CDON: variants seen among roughly 807,000 people sequenced by gnomAD.
CDON encodes the protein cell adhesion associated, oncogene regulated, also known as cell adhesion molecule-related/down-regulated by oncogenes.
In CDON, 73 loss-of-function variants were observed where a neutral mutation model predicts 120.9. That is an observed-to-expected ratio of 0.60 (90% CI 0.50 to 0.73). CDON has a LOEUF of 0.73. CDON is among the 30% of genes least tolerant of loss of function. The pLI is 0.00. For missense variants in CDON, 1,470 were observed against 1,587.3 expected (o/e 0.93, Z 1.26); for synonymous variants, 566 against 573.5 (o/e 0.99, Z 0.19).
chr11:126,006,990 T>C (rs4420284), intron 8 of CDON, among the ~76,000 whole-genome samples: 28,974 of 151,988 alleles, frequency 0.19, 2,862 homozygotes, highest in East Asian at 0.25. Context: ...AGAATGTTCA[T>C]GGTGCTGCTG....
At chr11:125,961,172 A>C (rs780918069) in intron 19 of CDON, 67 bp from the exon 20 acceptor site, 1 of 1,412,798 alleles carries the variant, frequency 7.1e-7, no homozygotes, top group Non-Finnish European at 9.9e-7. Context: ...AGCAGTCTAA[A>C]AACTTCTTCA....
intron 1 of CDON, among the ~76,000 whole-genome samples, chr11:126,052,181 A>T (rs974752563): frequency 6.6e-6 from 1 of 152,258 alleles, no homozygotes; most frequent in East Asian, 1.9e-4. Flanking sequence ...CATACAGTCA[A>T]AACATGATTA....
chr11:125,998,074 G>A (rs1396665507), intron 11 of CDON, among the ~76,000 whole-genome samples: 1 of 152,130 alleles, frequency 6.6e-6, no homozygotes, highest in African/African-American at 2.4e-5. Context: ...AGAAAAGGGG[G>A]TCAGGGAGCT....
chr11:125,962,839 T>C (rs1945683846), intron 18 of CDON, among the ~76,000 whole-genome samples: 3 of 152,214 alleles, frequency 2.0e-5, no homozygotes, highest in Admixed American at 2.0e-4. Flanking sequence ...TCCCTATATG[T>C]TCATTTATTA....
chr11:126,041,615 T>C (rs1393085028), intron 1 of CDON, among the ~76,000 whole-genome samples: 3 of 152,232 alleles, frequency 2.0e-5, no homozygotes, highest in Non-Finnish European at 4.4e-5. Context: ...GATAACTTCT[T>C]AGGATAAATT....
At chr11:125,974,995 C>T (rs1159724272) in intron 18 of CDON, among the ~76,000 whole-genome samples, 4 of 152,074 alleles carry the variant, frequency 2.6e-5, no homozygotes, top group Non-Finnish European at 2.9e-5. Flanking sequence ...CATCCCCATT[C>T]CCCATGTCTC....
chr11:126,019,256 AAGACAAAC>A (rs1177549993), intron 4 of CDON, among the ~76,000 whole-genome samples: 2 of 152,206 alleles, frequency 1.3e-5, no homozygotes, highest in African/African-American at 4.8e-5. Context: ...GTCAGAGGAA[AAGACAAAC>A]AATAATAAAC....
In CDON at chr11:125,957,071, T is replaced by C. The variant is rs1020359357; in HGVS notation, c.*3871A>G. 6.3e-6 allele frequency: 1 copy of C among 157,934 alleles called. No individual in the cohort carries two copies. The highest frequency in any genetic ancestry group is 2.4e-5 in the African/African-American group (1 of 41,528). 9.8% of individuals were successfully genotyped at this position (157,934 alleles called of 1,614,324 possible). Reference sequence around the variant, plus strand: ...ATTTCTATCCTGAAGTTCATAAACATGTGGCGCTCGGTTAATGGTAAAAAT... The same window carrying C: ...ATTTCTATCCTGAAGTTCATAAACACGTGGCGCTCGGTTAATGGTAAAAAT... On this transcript the variant is annotated 3_prime_UTR_variant, in exon 20 of 20. Transcript: ENST00000531738.
intron 1 of CDON, among the ~76,000 whole-genome samples, chr11:126,029,029 T>C (rs1947878018): frequency 6.6e-6 from 1 of 152,042 alleles, no homozygotes; most frequent in Non-Finnish European, 1.5e-5. Flanking sequence ...AGGCCCCCAA[T>C]AGCCAACCCC....
intron 6 of CDON, among the ~76,000 whole-genome samples, chr11:126,015,945 T>C (rs2134663146): frequency 6.6e-6 from 1 of 152,296 alleles, no homozygotes; most frequent in Non-Finnish European, 1.5e-5. Context: ...AACTTTGAGG[T>C]TAGATGTATA....
chr11:126,060,420 A>G (rs1948769526), intron 1 of CDON, among the ~76,000 whole-genome samples: 1 of 152,212 alleles, frequency 6.6e-6, no homozygotes, highest in Admixed American at 6.5e-5. Flanking sequence ...TACACGTTAA[A>G]GCAACACATT....
Position 125,960,787 on chromosome 11 carries a change from C to A in CDON, c.*155G>T, listed in dbSNP as rs573435980. 5.5e-6 allele frequency: 4 copies of A among 729,848 alleles called. No individual in the cohort carries two copies. The East Asian group carries it at 1.0e-4, about 18-fold the overall frequency. 45.2% of individuals were successfully genotyped at this position (729,848 alleles called of 1,614,324 possible). A position where few individuals can be genotyped will look rare whatever the true frequency, so the allele number is the denominator to read the frequency against. On this transcript the variant is annotated 3_prime_UTR_variant, in exon 20 of 20. Coordinates refer to ENST00000531738, the MANE Select transcript of CDON (RefSeq NM_001378964.1). Reference sequence around the variant, plus strand: ...GGCATAAATAATATAAAAGGGCACACGTTTTAAGATACATTCATATGACAT... The same window carrying A: ...GGCATAAATAATATAAAAGGGCACAAGTTTTAAGATACATTCATATGACAT...
At chr11:126,030,862 T>C (rs1419321525) in intron 1 of CDON, among the ~76,000 whole-genome samples, 2 of 152,208 alleles carry the variant, frequency 1.3e-5, no homozygotes, top group Admixed American at 6.5e-5. Context: ...TCTGAATATT[T>C]AATTTAACTA....
chr11:126,062,198 C>A (rs1482619076), intron 1 of CDON, among the ~76,000 whole-genome samples: 1 of 152,190 alleles, frequency 6.6e-6, no homozygotes, highest in Middle Eastern at 3.2e-3. Context: ...CGCGGGCGCT[C>A]TGCAGGGATG....
Position 125,989,763 on chromosome 11 carries a change from A to C in CDON, c.2651-4T>G, listed in dbSNP as rs1223833745. Reference sequence around the variant, plus strand: ...ATCATGTGCCACTGCTTTGAACCTAAAAGGAAAAATAAAAGGCTTTACACA... The same window carrying C: ...ATCATGTGCCACTGCTTTGAACCTACAAGGAAAAATAAAAGGCTTTACACA... On this transcript the variant is annotated splice_polypyrimidine_tract_variant and splice_region_variant and intron_variant, in intron 14 of 19. Coordinates refer to ENST00000531738, the MANE Select transcript of CDON (RefSeq NM_001378964.1). The C allele has an allele frequency of 6.2e-7, 1 of 1,612,016 alleles. No individual in the cohort carries two copies. Among genetic ancestry groups the C allele is most frequent in the East Asian group, 2.2e-5 (1 of 44,806 alleles).
At chr11:125,969,161 G>A (rs542232035) in intron 18 of CDON, among the ~76,000 whole-genome samples, 1 of 152,292 alleles carries the variant, frequency 6.6e-6, no homozygotes, top group East Asian at 1.9e-4. Context: ...ACCATGCCCA[G>A]CTAATTTTGT....
At chr11:126,027,492 T>G (rs943799865) in intron 1 of CDON, among the ~76,000 whole-genome samples, 1 of 152,190 alleles carries the variant, frequency 6.6e-6, no homozygotes, top group Non-Finnish European at 1.5e-5. Flanking sequence ...AATATATAAT[T>G]TATTCATATG....
At chr11:125,985,849 T>A (rs638528) in intron 15 of CDON, among the ~76,000 whole-genome samples, 1 of 150,990 alleles carries the variant, frequency 6.6e-6, no homozygotes, top group South Asian at 2.1e-4. Context: ...GAAATAGGAA[T>A]GCTTTTACAC....
At chr11:125,964,931 TTTTG>T (rs1945750582) in intron 18 of CDON, among the ~76,000 whole-genome samples, 2 of 152,226 alleles carry the variant, frequency 1.3e-5, no homozygotes, top group Non-Finnish European at 2.9e-5. Flanking sequence ...ATAATTCTTT[TTTTG>T]TTTGTTTTTG....
Sources: gnomAD v4.1 joint callset for allele counts (sites outside exome capture counted in the v4.1 genomes callset) on GRCh38, gnomAD v4.1.1 for gene constraint, MANE v1.5 for transcripts, NCBI Gene and HGNC (gene_info 2026-07-23, HGNC 2026-07-21) for gene names.